WDR70: variants seen among roughly 807,000 people sequenced by gnomAD.
WDR70 encodes the protein WD repeat domain 70.
Under a neutral mutation model 88.6 loss-of-function variants are expected in WDR70, and 53 were observed. That is an observed-to-expected ratio of 0.60 (90% CI 0.48 to 0.75). WDR70 has a LOEUF of 0.75. WDR70 is among the 30% of genes least tolerant of loss of function. The pLI, the probability that WDR70 is intolerant of heterozygous loss-of-function variation, is 0.00. For synonymous variants in WDR70, 280 were observed against 270.0 expected (o/e 1.04, Z -0.36); for missense variants, 610 against 823.2 (o/e 0.74, Z 3.17).
intron 10 of WDR70, among the ~76,000 whole-genome samples, chr5:37,633,693 T>G (rs909669639): frequency 6.6e-6 from 1 of 152,094 alleles, no homozygotes; most frequent in Non-Finnish European, 1.5e-5. Flanking sequence ...ATTTTAGACA[T>G]TTCACTGAAT....
intron 9 of WDR70, among the ~76,000 whole-genome samples, chr5:37,530,413 G>A (rs1175246150): frequency 6.6e-6 from 1 of 152,000 alleles, no homozygotes; most frequent in Non-Finnish European, 1.5e-5. Flanking sequence ...ATAGAATTTA[G>A]CTGTGAATTC....
At chr5:37,594,998 G>A (rs1743659319) in intron 9 of WDR70, among the ~76,000 whole-genome samples, 1 of 152,162 alleles carries the variant, frequency 6.6e-6, no homozygotes, top group Admixed American at 6.6e-5. Flanking sequence ...TTTTTATCCT[G>A]AGACTTTGCT....
At chr5:37,732,474 A>G (rs1214071663) in intron 17 of WDR70, among the ~76,000 whole-genome samples, 1 of 152,160 alleles carries the variant, frequency 6.6e-6, no homozygotes, top group Non-Finnish European at 1.5e-5. Context: ...TACTGGAATT[A>G]GTATCTTTGG....
At chr5:37,665,385 C>A (rs1034399129) in intron 10 of WDR70, among the ~76,000 whole-genome samples, 1 of 152,166 alleles carries the variant, frequency 6.6e-6, no homozygotes, top group Non-Finnish European at 1.5e-5. Context: ...TTCCCTACTC[C>A]AAGCATGTGG....
At chr5:37,680,556 A>G (rs1746396093) in intron 10 of WDR70, among the ~76,000 whole-genome samples, 3 of 152,144 alleles carry the variant, frequency 2.0e-5, no homozygotes. Context: ...TCTTCAATCC[A>G]TCTTGTGTTG....
intron 10 of WDR70, among the ~76,000 whole-genome samples, chr5:37,611,508 T>C (rs1581434597): frequency 6.6e-6 from 1 of 152,028 alleles, no homozygotes; most frequent in East Asian, 1.9e-4. Flanking sequence ...ACTCCCTAAA[T>C]TGAGTGTTAA....
At chr5:37,694,795 T>A (rs1459260675) in intron 10 of WDR70, among the ~76,000 whole-genome samples, 2 of 151,948 alleles carry the variant, frequency 1.3e-5, no homozygotes, top group Admixed American at 1.3e-4. Context: ...TGTATACCTA[T>A]GTATCAAACC....
At chr5:37,514,205 G>C (rs2112250410) in intron 8 of WDR70, among the ~76,000 whole-genome samples, 1 of 150,676 alleles carries the variant, frequency 6.6e-6, no homozygotes, top group East Asian at 2.0e-4. Context: ...TTTTTGTAGA[G>C]ACAGGATCTC....
At chr5:37,652,686 T>G (rs1745442443) in intron 10 of WDR70, among the ~76,000 whole-genome samples, 1 of 152,210 alleles carries the variant, frequency 6.6e-6, no homozygotes, top group Admixed American at 6.5e-5. Context: ...CTAGGTATTT[T>G]ATTCTCTTTG....
chr5:37,620,392 T>C (rs1016486105), intron 10 of WDR70, among the ~76,000 whole-genome samples: 1 of 152,218 alleles, frequency 6.6e-6, no homozygotes, highest in South Asian at 2.1e-4. Flanking sequence ...ATTTTTCAGG[T>C]AGTAACCCTG....
intron 10 of WDR70, among the ~76,000 whole-genome samples, chr5:37,679,230 C>G (rs1474204166): frequency 1.3e-5 from 2 of 152,110 alleles, no homozygotes; most frequent in Non-Finnish European, 2.9e-5. Context: ...CTTCTCTCAA[C>G]TCGTCAGTGT....
At chr5:37,471,538 A>G (rs960307346) in intron 7 of WDR70, among the ~76,000 whole-genome samples, 4 of 151,762 alleles carry the variant, frequency 2.6e-5, no homozygotes, top group African/African-American at 9.7e-5. Context: ...TAGGAGGCAC[A>G]TATTCACTCG....
At chr5:37,422,518 C>A (rs1257632604) in intron 5 of WDR70, among the ~76,000 whole-genome samples, 1 of 151,958 alleles carries the variant, frequency 6.6e-6, no homozygotes, top group Non-Finnish European at 1.5e-5. Context: ...CACTCTGTCA[C>A]CCAGGCTGGA....
chr5:37,467,351 A>C (rs1014038133), intron 7 of WDR70, among the ~76,000 whole-genome samples: 2 of 152,040 alleles, frequency 1.3e-5, no homozygotes, highest in African/African-American at 2.4e-5. Context: ...TAGATTGGAA[A>C]TGGCCATCTT....
At chr5:37,709,930 C>T (rs1011127224) in intron 13 of WDR70, among the ~76,000 whole-genome samples, 4 of 152,150 alleles carry the variant, frequency 2.6e-5, no homozygotes, top group Non-Finnish European at 5.9e-5. Context: ...GGCTCACCTA[C>T]TAAGCCAGCA....
At chr5:37,500,478 G>A (rs1420586211) in intron 8 of WDR70, among the ~76,000 whole-genome samples, 1 of 151,928 alleles carries the variant, frequency 6.6e-6, no homozygotes, top group Non-Finnish European at 1.5e-5. Flanking sequence ...TGGATCGAAC[G>A]GTAGATTTAC....
rs1554138586 is a variant in WDR70, at chr5:37,423,362, T to TTA, written c.493-14560_493-14559insTA. 1.5e-3 allele frequency among the ~76,000 whole-genome samples: 183 copies of TTA among 126,018 alleles called. 1 individual carries two copies. Among genetic ancestry groups the TTA allele is most frequent in the African/African-American group, 5.0e-3 (178 of 35,326 alleles). The allele number at this position is 126,018 out of a possible 152,430, so 82.7% of individuals were successfully genotyped here. On this transcript the variant is annotated intron_variant, in intron 5 of 17. Coordinates refer to ENST00000265107, the MANE Select transcript of WDR70 (RefSeq NM_018034.4). Reference sequence around the variant, plus strand: ...TGGCCAGTATAATAAACAAAAACATTAAAAAAAAAAAAGAAGAAAAGGAAA... The same window carrying TTA: ...TGGCCAGTATAATAAACAAAAACATTTAAAAAAAAAAAAAGAAGAAAAGGAAA...
intron 10 of WDR70, among the ~76,000 whole-genome samples, chr5:37,677,655 C>G (rs1187188496): frequency 6.6e-6 from 1 of 150,644 alleles, no homozygotes; most frequent in Non-Finnish European, 1.5e-5. Flanking sequence ...TTACTTCCAA[C>G]TATGTGGTCA....
chr5:37,673,582 T>TTCCC (rs1222254300), intron 10 of WDR70, among the ~76,000 whole-genome samples: 36 of 48,552 alleles, frequency 7.4e-4, no homozygotes, highest in African/African-American at 1.0e-3. Flanking sequence ...TGACTTTTCT[T>TTCCC]ACCCCCCCCC....
Sources: allele counts gnomAD v4.1 joint callset (sites outside exome capture counted in the v4.1 genomes callset), GRCh38; gene constraint gnomAD v4.1.1; transcripts MANE v1.5; gene names NCBI Gene and HGNC (gene_info 2026-07-23, HGNC 2026-07-21).